The following DNAH14 variants were observed in gnomAD, a reference collection of about 807,000 sequenced individuals.
The protein encoded by DNAH14 is dynein axonemal heavy chain 14, also known as axonemal beta dynein heavy chain 14.
A neutral mutation model predicts 520.9 loss-of-function variants in DNAH14; 478 were observed. That is an observed-to-expected ratio of 0.92 (90% CI 0.85 to 0.99). The LOEUF (loss-of-function observed/expected upper bound fraction) is 0.99, where lower values mean the gene tolerates loss of function less well. Ranked by LOEUF, DNAH14 falls within the 50% of genes least tolerant of loss-of-function variation. The pLI, the probability that DNAH14 is intolerant of heterozygous loss-of-function variation, is 0.00. For synonymous variants in DNAH14, 1,581 were observed against 1,757.2 expected, an observed-to-expected ratio of 0.90 and a Z score of 2.51; for missense variants, 4,831 against 5,234.5, an observed-to-expected ratio of 0.92 and a Z score of 2.38.
chr1:225,244,234 G>A (rs567531712), intron 43 of DNAH14, among the ~76,000 whole-genome samples: 8 of 152,146 alleles, frequency 5.3e-5, no homozygotes, highest in East Asian at 1.9e-4. Context: ...GATTTTTAAT[G>A]TGCTGCTGGA....
chr1:225,127,756 G>A (rs887717524), intron 27 of DNAH14, among the ~76,000 whole-genome samples: 2 of 152,084 alleles, frequency 1.3e-5, no homozygotes, highest in African/African-American at 4.8e-5. Context: ...TCATTATGAT[G>A]TTAGCTGGTT....
chr1:225,108,383 C>A (rs539135830), intron 23 of DNAH14, among the ~76,000 whole-genome samples: 1 of 152,114 alleles, frequency 6.6e-6, no homozygotes. Context: ...ACCTTGTGAC[C>A]GTGTAAGTCA....
intron 36 of DNAH14, among the ~76,000 whole-genome samples, chr1:225,170,145 G>C (rs769573202): frequency 3.9e-5 from 6 of 152,188 alleles, no homozygotes; most frequent in Admixed American, 2.0e-4. Flanking sequence ...GGAACAACCA[G>C]TACCAGCCAC....
intron 8 of DNAH14, among the ~76,000 whole-genome samples, chr1:224,988,657 A>G (rs565573157): frequency 6.6e-5 from 10 of 152,258 alleles, no homozygotes; most frequent in African/African-American, 2.2e-4. Flanking sequence ...TATTACAAAT[A>G]TATTTTTTAA....
At chr1:225,163,783 A>G (rs77485009) in intron 35 of DNAH14, among the ~76,000 whole-genome samples, 1 of 152,066 alleles carries the variant, frequency 6.6e-6, no homozygotes, top group Non-Finnish European at 1.5e-5. Context: ...TTTTCATGTC[A>G]ATGTCCATCT....
chr1:225,390,130 T>A (rs533663539), intron 83 of DNAH14, among the ~76,000 whole-genome samples: 18 of 152,190 alleles, frequency 1.2e-4, no homozygotes, highest in African/African-American at 4.3e-4. Context: ...CACTGTATCA[T>A]CTCTCTGCCA....
chr1:225,075,532 C>T (rs1358850623), intron 17 of DNAH14, among the ~76,000 whole-genome samples: 2 of 151,894 alleles, frequency 1.3e-5, no homozygotes, highest in Admixed American at 1.3e-4. Flanking sequence ...TGAGTTGTTC[C>T]TGTGTAATCT....
intron 12 of DNAH14, among the ~76,000 whole-genome samples, chr1:225,039,466 A>G (rs1031631647): frequency 1.3e-5 from 2 of 152,076 alleles, no homozygotes; most frequent in Admixed American, 1.3e-4. Context: ...TACCCATCAA[A>G]TGTATCTGTT....
At chr1:225,092,890 AAC>A (rs1445087229) in intron 21 of DNAH14, among the ~76,000 whole-genome samples, 2 of 152,186 alleles carry the variant, frequency 1.3e-5, no homozygotes, top group East Asian at 3.8e-4. Flanking sequence ...GACTACTATG[AAC>A]ACCGCTATGC....
chr1:225,011,168 C>G (rs1014249438), intron 10 of DNAH14, among the ~76,000 whole-genome samples: 17 of 152,180 alleles, frequency 1.1e-4, no homozygotes, highest in African/African-American at 4.1e-4. Flanking sequence ...TCTTGCTTCT[C>G]TAGTTCTTTT....
intron 45 of DNAH14, 103 bp downstream of exon 45, chr1:225,258,221 T>C (rs1320440869): frequency 1.8e-6 from 2 of 1,105,392 alleles, no homozygotes; most frequent in Non-Finnish European, 2.4e-6. Context: ...AAATATACAC[T>C]GAAAAGTTTT....
intron 55 of DNAH14, among the ~76,000 whole-genome samples, chr1:225,298,297 G>T (rs1221715316): frequency 6.6e-6 from 1 of 152,188 alleles, no homozygotes; most frequent in African/African-American, 2.4e-5. Context: ...CACTTGTGGG[G>T]CTATTTCTCA....
intron 36 of DNAH14, 33 bp downstream of exon 36, chr1:225,168,061 G>A: frequency 8.2e-7 from 1 of 1,213,452 alleles, no homozygotes; most frequent in Non-Finnish European, 1.2e-6. Flanking sequence ...GCAATCCTTT[G>A]CCTGTATTTC....
At chr1:225,152,627 AG>A (rs1559115824) in intron 32 of DNAH14, 69 bp from the exon 33 acceptor site, 37 of 1,343,132 alleles carry the variant, frequency 2.8e-5, no homozygotes, top group Non-Finnish European at 1.8e-5. Flanking sequence ...TTTGGGGAAA[AG>A]TATGTGATTC....
chr1:225,284,918 C>T (rs140504123), intron 54 of DNAH14, among the ~76,000 whole-genome samples: 2 of 152,020 alleles, frequency 1.3e-5, no homozygotes, highest in East Asian at 1.9e-4. Flanking sequence ...CAGAGAAGCA[C>T]GACAAAATCC....
intron 53 of DNAH14, among the ~76,000 whole-genome samples, chr1:225,277,046 G>GAAGGA (rs1210771763): frequency 9.3e-6 from 1 of 107,488 alleles, no homozygotes; most frequent in African/African-American, 3.8e-5. Context: ...GAAAGGAAGG[G>GAAGGA]AAGGAAAGGA....
intron 41 of DNAH14, among the ~76,000 whole-genome samples, chr1:225,217,744 G>A (rs1022442118): frequency 1.5e-4 from 23 of 152,134 alleles, no homozygotes; most frequent in African/African-American, 3.6e-4. Flanking sequence ...TGCTAAGGCC[G>A]TTGCAGAAGC....
intron 10 of DNAH14, among the ~76,000 whole-genome samples, chr1:225,018,459 T>G (rs2065391688): frequency 6.6e-6 from 1 of 152,230 alleles, no homozygotes; most frequent in South Asian, 2.1e-4. Flanking sequence ...CAAGCCACTT[T>G]GGAAACATAT....
At chr1:225,036,410 C>G (rs2066965231) in intron 11 of DNAH14, among the ~76,000 whole-genome samples, 1 of 152,112 alleles carries the variant, frequency 6.6e-6, no homozygotes, top group African/African-American at 2.4e-5. Context: ...GCTGGGATTA[C>G]AGGCCTAAGC....
Sources: gnomAD v4.1 joint callset for allele counts (sites outside exome capture counted in the v4.1 genomes callset) on GRCh38, gnomAD v4.1.1 for gene constraint, MANE v1.5 for transcripts, NCBI Gene and HGNC (gene_info 2026-07-23, HGNC 2026-07-21) for gene names.